Variants in ADAM22 observed in about 807,000 individuals in gnomAD.
ADAM22 encodes the protein ADAM metallopeptidase domain 22.
ADAM22 carries 65 observed loss-of-function variants against 144.6 expected under a neutral mutation model. The observed-to-expected ratio is 0.45, with a 90% confidence interval of 0.37 to 0.55. The LOEUF (loss-of-function observed/expected upper bound fraction) is 0.55. ADAM22 is among the 20% of genes least tolerant of loss of function. ADAM22 has a pLI of 0.00. For synonymous variants in ADAM22, 391 were observed against 412.6 expected (o/e 0.95, Z 0.63); for missense variants, 974 against 1,184.9 (o/e 0.82, Z 2.61).
chr7:88,008,753 G>T (rs1016243650), intron 3 of ADAM22, among the ~76,000 whole-genome samples: 1 of 151,868 alleles, frequency 6.6e-6, no homozygotes. Flanking sequence ...ACTGTTGTGG[G>T]GTGGGGGTAG....
chr7:88,108,249 A>T lies in ADAM22; in HGVS notation c.464A>T (p.His155Leu). 1 of 1,613,466 alleles carries T rather than the reference A, an allele frequency of 6.2e-7. No individual in the cohort carries two copies. The highest frequency in any genetic ancestry group is 8.5e-7 in the Non-Finnish European group (1 of 1,179,776). ...PDSFVALSTC[H>L]GLHGMFYDGN... ...TCATTTGTTGCATTGTCAACATGCC[A>T]CGGACTTCAGTAAGTGTTCAAAAAG... Residue 155 changes from histidine (H) to leucine (L), a missense_variant, in exon 5 of 32, where the codon CAC (histidine) becomes CTC (leucine). Physicochemically the swap from His to Leu is moderately conservative, Grantham distance 99. Coordinates refer to ENST00000413139, the MANE Select transcript of ADAM22 (RefSeq NM_001324418.2).
intron 3 of ADAM22, among the ~76,000 whole-genome samples, chr7:88,005,864 A>G (rs1217953814): frequency 6.6e-6 from 1 of 152,174 alleles, no homozygotes; most frequent in Non-Finnish European, 1.5e-5. Flanking sequence ...AAGTAATAAC[A>G]TTTTTAAAAG....
At chr7:88,116,195 C>A (rs534127416) in intron 6 of ADAM22, among the ~76,000 whole-genome samples, 23 of 151,928 alleles carry the variant, frequency 1.5e-4, no homozygotes, top group African/African-American at 4.8e-4. Flanking sequence ...TTGGATGAAG[C>A]CAGATGAAAT....
At chr7:88,028,857 AT>A (rs972521365) in intron 3 of ADAM22, among the ~76,000 whole-genome samples, 1 of 152,096 alleles carries the variant, frequency 6.6e-6, no homozygotes, top group African/African-American at 2.4e-5. Flanking sequence ...TGCATGGAAT[AT>A]CTTTTTCCAT....
At chr7:88,145,958 A>T (rs1003070002) in intron 17 of ADAM22, among the ~76,000 whole-genome samples, 20 of 152,156 alleles carry the variant, frequency 1.3e-4, no homozygotes, top group African/African-American at 4.8e-4. Flanking sequence ...CTGCTGAGGA[A>T]ACAAGGGAGT....
chr7:88,114,461 G>T lies in ADAM22; in HGVS notation c.474-123G>T, dbSNP rs1057459074. 6.1e-5 allele frequency: 48 copies of T among 788,482 alleles called. No individual in the cohort carries two copies. In the African/African-American group the frequency reaches 6.8e-4, roughly 11 times the overall value. 48.8% of individuals were successfully genotyped at this position (788,482 alleles called of 1,614,324 possible). On this transcript the variant is annotated intron_variant, in intron 5 of 31. Transcript: ENST00000413139. ...GTGTGTGGTGTGTCTGGAGGTGATG[G>T]ATGGGACTGGGAAATGGGCATTGAG...
At chr7:87,994,305 C>T (rs182860433) in intron 3 of ADAM22, among the ~76,000 whole-genome samples, 7 of 152,060 alleles carry the variant, frequency 4.6e-5, no homozygotes, top group Admixed American at 2.0e-4. Context: ...GGACTACAGG[C>T]GCCCGCCACC....
chr7:87,938,892 G>A (rs986386790), intron 2 of ADAM22, among the ~76,000 whole-genome samples: 6 of 151,890 alleles, frequency 4.0e-5, no homozygotes, highest in Non-Finnish European at 7.4e-5. Context: ...CTTGTGATCC[G>A]CCCACCTTGG....
chr7:88,116,614 C>T (rs1827826760), intron 6 of ADAM22, 131 bp from the exon 7 acceptor site: 2 of 674,112 alleles, frequency 3.0e-6, no homozygotes, highest in South Asian at 1.9e-5. Context: ...GGCAATGGTT[C>T]ATCACCTCTC....
In ADAM22 at chr7:88,200,473, C is replaced by A. The variant is rs1454889043; in HGVS notation, c.*3982C>A. 6.6e-6 allele frequency: 1 copy of A among 152,244 alleles called. No individual in the cohort carries two copies. Among genetic ancestry groups the A allele is most frequent in the Non-Finnish European group, 1.5e-5 (1 of 68,048 alleles). The allele number at this position is 152,244 out of a possible 1,614,324, so 9.4% of individuals were successfully genotyped here. Reference sequence around the variant, plus strand: ...GATAGGACACATCTGGCTGCTGCCACTGGATGCCCACATGGGCAGCGTGTT... The same window carrying A: ...GATAGGACACATCTGGCTGCTGCCAATGGATGCCCACATGGGCAGCGTGTT... On this transcript the variant is annotated 3_prime_UTR_variant, in exon 32 of 32. Coordinates refer to ENST00000413139, the MANE Select transcript of ADAM22 (RefSeq NM_001324418.2).
chr7:88,083,594 TGTGTG>T (rs1315059193), intron 4 of ADAM22, among the ~76,000 whole-genome samples: 3 of 110,082 alleles, frequency 2.7e-5, no homozygotes, highest in Non-Finnish European at 3.8e-5. Context: ...TGTTTGTGTG[TGTGTG>T]TGTGTGTGTG....
intron 2 of ADAM22, among the ~76,000 whole-genome samples, chr7:87,969,294 TTTG>T (rs1331248373): frequency 6.6e-6 from 1 of 152,240 alleles, no homozygotes; most frequent in Non-Finnish European, 1.5e-5. Flanking sequence ...TTTTTGTGCC[TTTG>T]TTGTTCCTGT....
At position 88,200,127 on chromosome 7, in the gene ADAM22, G is replaced by A. The variant is rs1224012318; in HGVS notation, c.*3636G>A. On this transcript the variant is annotated 3_prime_UTR_variant, in exon 32 of 32. Coordinates refer to ENST00000413139, the MANE Select transcript of ADAM22 (RefSeq NM_001324418.2). ...TTCTTTATGTTTTACAGTTACCTTCGGACCAGAAGATATATGGTATTTTTA... is the reference window on the plus strand; with the variant it reads ...TTCTTTATGTTTTACAGTTACCTTCAGACCAGAAGATATATGGTATTTTTA... The A allele has an allele frequency of 6.6e-6, 1 of 151,928 alleles. No homozygotes were observed. The highest frequency in any genetic ancestry group is 1.5e-5 in the Non-Finnish European group (1 of 67,996). 9.4% of individuals were successfully genotyped at this position (151,928 alleles called of 1,614,324 possible).
chr7:88,171,687 C>T (rs1045255228), intron 26 of ADAM22, 126 bp downstream of exon 26: 2 of 712,692 alleles, frequency 2.8e-6, no homozygotes, highest in Non-Finnish European at 4.3e-6. Context: ...ATACACTAAT[C>T]GATTTTTCAT....
rs551128089 is a variant in ADAM22 at position 87,945,792 on chromosome 7, C to T, written c.246+10606C>T. ...CCTCCCAAAGTGCTAGGATTACAGG[C>T]GTGAACCACCACGCCCGGCTGAAGC... On this transcript the variant is annotated intron_variant, in intron 2 of 31. Transcript: ENST00000413139. Among the ~76,000 whole-genome samples, 9 of 152,244 alleles carry T rather than the reference C, an allele frequency of 5.9e-5. No individual in the cohort carries two copies. In the East Asian group the frequency reaches 7.7e-4, roughly 13 times the overall value.
intron 10 of ADAM22, 89 bp downstream of exon 10, chr7:88,130,548 C>G (rs1014313048): frequency 5.2e-6 from 7 of 1,348,080 alleles, no homozygotes; most frequent in Non-Finnish European, 7.3e-6. Flanking sequence ...TATAGTTTTA[C>G]TGCTCTATGT....
rs116614465 is a variant in ADAM22, at chr7:88,061,527, G to T, written c.324-14099G>T. Among the ~76,000 whole-genome samples, 867 of 152,270 alleles carry T rather than the reference G, an allele frequency of 5.7e-3. 15 individuals are homozygous for T. Among genetic ancestry groups the T allele is most frequent in the African/African-American group, 0.02 (820 of 41,550 alleles). On this transcript the variant is annotated intron_variant, in intron 3 of 31. Transcript: ENST00000413139. ...AAAGTATGAAAACAACATTAATCTT[G>T]TACATCTCCATCAGAGCTCTTAGGT...
chr7:87,936,591 C>T (rs1236798727), intron 2 of ADAM22, among the ~76,000 whole-genome samples: 1 of 152,070 alleles, frequency 6.6e-6, no homozygotes, highest in African/African-American at 2.4e-5. Flanking sequence ...TGTCTATACC[C>T]TACGTATTTC....
At position 88,143,129 on chromosome 7, in the gene ADAM22, A is replaced by G. The variant is rs1382653737; in HGVS notation, c.1320+4A>G. 3.2e-6 allele frequency: 5 copies of G among 1,571,784 alleles called. No individual in the cohort carries two copies. The highest frequency in any genetic ancestry group is 1.1e-5 in the South Asian group (1 of 89,512). ...CCTTTTCAACAAACCTTCTAAGGTA[A>G]TAAGTGTGGTTAATAAGGTTTATAA... On this transcript the variant is annotated splice_donor_region_variant and intron_variant, in intron 15 of 31. Coordinates refer to ENST00000413139, the MANE Select transcript of ADAM22 (RefSeq NM_001324418.2).
Sources: allele counts gnomAD v4.1 joint callset (sites outside exome capture counted in the v4.1 genomes callset), GRCh38; gene constraint gnomAD v4.1.1; transcripts MANE v1.5; gene names NCBI Gene and HGNC (gene_info 2026-07-23, HGNC 2026-07-21).